BBS9: variants seen among roughly 807,000 people sequenced by gnomAD.
BBS9 encodes the protein protein PTHB1.
A neutral mutation model predicts 117.7 loss-of-function variants in BBS9; 89 were observed. The observed-to-expected ratio is 0.76, with a 90% CI of 0.64 to 0.90. The LOEUF is 0.90. Among genes scored for constraint, BBS9 ranks in the 40% least tolerant of loss-of-function variants. The pLI, the probability that BBS9 is intolerant of heterozygous loss-of-function variation, is 0.00. For missense variants in BBS9, 982 were observed against 1,042.2 expected, an observed-to-expected ratio of 0.94 and a Z score of 0.80; for synonymous variants, 379 against 370.9, an observed-to-expected ratio of 1.02 and a Z score of -0.25.
rs139975707 is a variant in BBS9 at position 33,147,079 on chromosome 7, T to A, written c.112+715T>A. On this transcript the variant is annotated intron_variant, in intron 2 of 22. Coordinates refer to ENST00000242067, the MANE Select transcript of BBS9 (RefSeq NM_198428.3). ...CATAATGAAATTACACTAGCTCTATTTGGTGGTAGAAAACAATTGTTAAAT... is the reference window on the plus strand; with the variant it reads ...CATAATGAAATTACACTAGCTCTATATGGTGGTAGAAAACAATTGTTAAAT... 2.9e-3 allele frequency among the ~76,000 whole-genome samples: 436 copies of A among 152,296 alleles called. 3 individuals are homozygous for A. The highest frequency in any genetic ancestry group is 9.9e-3 in the African/African-American group (411 of 41,572).
At chr7:33,347,935 A>T (rs890723112) in intron 12 of BBS9, among the ~76,000 whole-genome samples, 15 of 151,990 alleles carry the variant, frequency 9.9e-5, no homozygotes, top group South Asian at 2.1e-4. Context: ...TATTTTATTT[A>T]ATTTTTTTTC....
chr7:33,374,630 G>A (rs915605482), intron 17 of BBS9, among the ~76,000 whole-genome samples: 1 of 152,094 alleles, frequency 6.6e-6, no homozygotes, highest in African/African-American at 2.4e-5. Flanking sequence ...GGCCGGGCGT[G>A]GTGGCTCACG....
At chr7:33,390,347 G>A (rs996431484) in intron 19 of BBS9, 1 of 985,242 alleles carries the variant, frequency 1.0e-6, no homozygotes, top group Non-Finnish European at 1.2e-6. Flanking sequence ...AAGTGCAGAG[G>A]TTTTTATTTT....
intron 12 of BBS9, among the ~76,000 whole-genome samples, chr7:33,347,333 G>A (rs1354761383): frequency 6.6e-6 from 1 of 151,876 alleles, no homozygotes; most frequent in Non-Finnish European, 1.5e-5. Context: ...TATTTAAATT[G>A]TGTCTTGTTT....
At chr7:33,556,545 T>G (rs967491011) in intron 21 of BBS9, among the ~76,000 whole-genome samples, 16 of 152,230 alleles carry the variant, frequency 1.1e-4, no homozygotes, top group Non-Finnish European at 2.1e-4. Context: ...ATGTAATATA[T>G]TTGAAGACAG....
chr7:33,373,200 A>G (rs1252319328), intron 17 of BBS9, among the ~76,000 whole-genome samples: 3 of 152,164 alleles, frequency 2.0e-5, no homozygotes, highest in Non-Finnish European at 4.4e-5. Context: ...ATTTTAGAGC[A>G]CTGAGGAGCG....
At chr7:33,632,108 C>T (rs1383887427) in intron 21 of BBS9, among the ~76,000 whole-genome samples, 1 of 152,094 alleles carries the variant, frequency 6.6e-6, no homozygotes, top group African/African-American at 2.4e-5. Flanking sequence ...TGGAATATGG[C>T]ATAAGGAGAA....
chr7:33,533,101 A>G (rs1850832953), intron 20 of BBS9, among the ~76,000 whole-genome samples: 1 of 152,166 alleles, frequency 6.6e-6, no homozygotes, highest in East Asian at 1.9e-4. Context: ...GAGCTCCTAA[A>G]CTGACCCCTC....
At chr7:33,130,978 A>G (rs1426252976) in intron 1 of BBS9, among the ~76,000 whole-genome samples, 1 of 152,186 alleles carries the variant, frequency 6.6e-6, no homozygotes, top group Non-Finnish European at 1.5e-5. Context: ...ACACCTTTTG[A>G]GGGATGTAGT....
intron 19 of BBS9, among the ~76,000 whole-genome samples, chr7:33,503,420 G>A (rs968647798): frequency 6.6e-6 from 1 of 152,092 alleles, no homozygotes; most frequent in Non-Finnish European, 1.5e-5. Flanking sequence ...CTTGGCATGC[G>A]GCCTATGTTC....
At chr7:33,165,628 A>G (rs1402433376) in intron 4 of BBS9, among the ~76,000 whole-genome samples, 1 of 151,898 alleles carries the variant, frequency 6.6e-6, no homozygotes, top group African/African-American at 2.4e-5. Context: ...TGAATCAGCT[A>G]TTGAAGCTTG....
chr7:33,628,385 T>A (rs1010659304), intron 21 of BBS9, among the ~76,000 whole-genome samples: 2 of 152,214 alleles, frequency 1.3e-5, no homozygotes, highest in Admixed American at 6.5e-5. Flanking sequence ...AATTGCAATG[T>A]TGGTTTAACA....
At chr7:33,302,389 T>C (rs2128426910) in intron 9 of BBS9, among the ~76,000 whole-genome samples, 1 of 152,326 alleles carries the variant, frequency 6.6e-6, no homozygotes, top group Non-Finnish European at 1.5e-5. Context: ...AGTGTTTTCT[T>C]GTAGTGGTTT....
chr7:33,595,248 G>A (rs1479380132), intron 21 of BBS9, among the ~76,000 whole-genome samples: 1 of 152,058 alleles, frequency 6.6e-6, no homozygotes, highest in Non-Finnish European at 1.5e-5. Flanking sequence ...TATCATCGGA[G>A]TAACAGGCAA....
At chr7:33,566,002 G>A (rs892372935) in intron 21 of BBS9, among the ~76,000 whole-genome samples, 7 of 150,730 alleles carry the variant, frequency 4.6e-5, no homozygotes, top group Non-Finnish European at 8.9e-5. Context: ...GAAAAAAAAT[G>A]TAAGGAGTGT....
chr7:33,225,607 T>C (rs141924837), intron 5 of BBS9, among the ~76,000 whole-genome samples: 2 of 152,294 alleles, frequency 1.3e-5, no homozygotes, highest in African/African-American at 4.8e-5. Context: ...CTTTGTTAGC[T>C]TTCTTGCTTC....
At chr7:33,182,934 G>A (rs944250514) in intron 5 of BBS9, among the ~76,000 whole-genome samples, 4 of 152,110 alleles carry the variant, frequency 2.6e-5, no homozygotes, top group African/African-American at 9.7e-5. Context: ...TTTCCCATGG[G>A]AGTCTTATCT....
chr7:33,530,369 A>G lies in BBS9; in HGVS notation c.2299-3585A>G, dbSNP rs6951763. 7.5e-3 allele frequency among the ~76,000 whole-genome samples: 1,142 copies of G among 152,374 alleles called. 11 individuals are homozygous for G. The highest frequency in any genetic ancestry group is 0.025 in the African/African-American group (1,058 of 41,594). On this transcript the variant is annotated intron_variant, in intron 20 of 22. Transcript: ENST00000242067. ...AATTCTGTAGTACTCTGTATTAACT[A>G]AATGTCATATCTACTTAAATTATCT...
chr7:33,521,900 C>T (rs541002907), intron 20 of BBS9, among the ~76,000 whole-genome samples: 1 of 115,150 alleles, frequency 8.7e-6, no homozygotes, highest in Non-Finnish European at 1.7e-5. Context: ...TCCCCCCTCC[C>T]CCCACCCCAC....
Sources: allele counts gnomAD v4.1 joint callset (sites outside exome capture counted in the v4.1 genomes callset), GRCh38; gene constraint gnomAD v4.1.1; transcripts MANE v1.5; gene names NCBI Gene and HGNC (gene_info 2026-07-23, HGNC 2026-07-21).